MYO9B: variants seen among roughly 807,000 people sequenced by gnomAD.
MYO9B encodes unconventional myosin-IXb.
Under a neutral mutation model 229.5 loss-of-function variants are expected in MYO9B, and 71 were observed. The ratio of observed to expected loss-of-function variants is 0.31; its 90% CI spans 0.26 to 0.38. MYO9B has a LOEUF of 0.38. Ranked by LOEUF, MYO9B falls within the 10% of genes least tolerant of loss-of-function variation. MYO9B has a pLI of 1.00. For missense variants in MYO9B, 2,255 were observed against 2,920.5 expected (o/e 0.77, Z 5.25); for synonymous variants, 1,185 against 1,235.8 (o/e 0.96, Z 0.86).
rs2073202784 is a variant in MYO9B at position 17,209,625 on chromosome 19, C to A, written c.5664C>A (p.Tyr1888Ter). 1.2e-6 allele frequency: 2 copies of A among 1,606,658 alleles called. No individual in the cohort carries two copies. Among genetic ancestry groups the A allele is most frequent in the Non-Finnish European group, 1.7e-6 (2 of 1,176,626 alleles). ...EMLIKEQMRK[Y>*]KVKMEEISQL... ...TGATCAAGGAGCAGATGAGGAAATA[C>A]AAAGTGAAGATGGAGGAGATCAGCC... Residue 1888 changes from tyrosine (Y) to a stop codon, truncating the protein, a stop_gained, in exon 36 of 40, where the codon TAC becomes TAA. Coordinates refer to ENST00000682292, the MANE Select transcript of MYO9B (RefSeq NM_004145.4). LOFTEE classifies it high-confidence loss of function.
In MYO9B at chr19:17,091,255, T is replaced by C. The variant is rs1600026099; in HGVS notation, c.-58-10405T>C. On this transcript the variant is annotated intron_variant, in intron 1 of 39. Coordinates refer to ENST00000682292, the MANE Select transcript of MYO9B (RefSeq NM_004145.4). The stretch of plus-strand genomic sequence containing the variant: ...TTGTTTGTTTTTTTGATACATGGTC[T>C]TGCTCTGTGGCCCAGGCTGGAGTGC... 2.6e-5 allele frequency among the ~76,000 whole-genome samples: 4 copies of C among 152,242 alleles called. No individual in the cohort carries two copies. In the East Asian group the frequency reaches 7.7e-4, roughly 29 times the overall value.
chr19:17,183,472 C>T (rs2072883305), intron 15 of MYO9B, among the ~76,000 whole-genome samples: 1 of 152,218 alleles, frequency 6.6e-6, no homozygotes, highest in Non-Finnish European at 1.5e-5. Context: ...GTCAGTTCCT[C>T]CATAGCAAGC....
At chr19:17,156,615 G>A (rs1299883403) in intron 6 of MYO9B, among the ~76,000 whole-genome samples, 8 of 152,134 alleles carry the variant, frequency 5.3e-5, no homozygotes, top group Admixed American at 1.3e-4. Context: ...TACTCAGGAG[G>A]CTGAGGCTGT....
At chr19:17,202,789 T>C in intron 28 of MYO9B, 53 bp from the exon 29 acceptor site, 3 of 1,538,738 alleles carry the variant, frequency 1.9e-6, no homozygotes, top group Non-Finnish European at 2.6e-6. Flanking sequence ...AGGGGTGGGT[T>C]GGGGCTCTTC....
In MYO9B at chr19:17,193,433, G is replaced by A. The variant is rs2073007983; in HGVS notation, c.3128+371G>A. Among the ~76,000 whole-genome samples, 2 of 152,136 alleles carry A rather than the reference G, an allele frequency of 1.3e-5. No homozygotes were observed. Among genetic ancestry groups the A allele is most frequent in the Admixed American group, 1.3e-4 (2 of 15,262 alleles). Reference sequence around the variant, plus strand: ...ACCGGGCACAGAGAAGCCCCCAGGAGGATATCAGCAGCTCCCGTCCCAGCA... The same window carrying A: ...ACCGGGCACAGAGAAGCCCCCAGGAAGATATCAGCAGCTCCCGTCCCAGCA... On this transcript the variant is annotated intron_variant, in intron 21 of 39. Transcript: ENST00000682292. This position sits in a 1 kb window ranked among gnomAD's most constrained non-coding sequence, Gnocchi z 4.3.
intron 38 of MYO9B, 129 bp downstream of exon 38, chr19:17,210,977 C>CTTTTTTT (rs35355662): frequency 4.5e-5 from 15 of 334,436 alleles, no homozygotes; most frequent in African/African-American, 2.6e-4. Flanking sequence ...GCAAACAACA[C>CTTTTTTT]TTTTTTTTTT....
intron 1 of MYO9B, among the ~76,000 whole-genome samples, chr19:17,084,709 CAAA>C (rs903470342): frequency 3.7e-5 from 3 of 81,278 alleles, no homozygotes. Flanking sequence ...ACTAAAAATA[CAAA>C]AAAAAAAAAA....
chr19:17,180,872 T>C lies in MYO9B; in HGVS notation c.2220-55T>C, dbSNP rs548540117. 1.6e-5 allele frequency: 20 copies of C among 1,277,644 alleles called. No homozygotes were observed. The South Asian group carries it at 2.6e-4, about 17-fold the overall frequency. 79.1% of individuals were successfully genotyped at this position (1,277,644 alleles called of 1,614,324 possible). A position where few individuals can be genotyped will look rare whatever the true frequency, so the allele number is the denominator to read the frequency against. On this transcript the variant is annotated intron_variant, in intron 14 of 39. Coordinates refer to ENST00000682292, the MANE Select transcript of MYO9B (RefSeq NM_004145.4). ...GCTGGGAACCCCGAGGTGGCAGGCC[T>C]GCTTCTAACTCCATCTTCTTTCTGT...
At chr19:17,153,597 G>A (rs767715215) in intron 4 of MYO9B, among the ~76,000 whole-genome samples, 9 of 151,090 alleles carry the variant, frequency 6.0e-5, no homozygotes, top group Admixed American at 2.0e-4. Flanking sequence ...TCAGGAGGCC[G>A]AGCTGGGAGG....
intron 1 of MYO9B, among the ~76,000 whole-genome samples, chr19:17,091,063 G>A (rs549495112): frequency 2.2e-4 from 34 of 152,248 alleles, no homozygotes; most frequent in African/African-American, 5.5e-4. Flanking sequence ...TCAAAACAGC[G>A]TGGCACCTCA....
chr19:17,117,265 C>G (rs1462638590), intron 2 of MYO9B, among the ~76,000 whole-genome samples: 3 of 152,162 alleles, frequency 2.0e-5, no homozygotes, highest in African/African-American at 7.2e-5. Context: ...TAGTGATTAT[C>G]CAGGATAGAT....
intron 22 of MYO9B, 109 bp from the exon 23 acceptor site, chr19:17,197,682 TC>T: frequency 1.6e-6 from 2 of 1,234,016 alleles, no homozygotes; most frequent in East Asian, 4.8e-5. Context: ...TTGCCAAGTG[TC>T]CCCTGGCAGG....
In MYO9B at chr19:17,193,906, C is replaced by T. The variant is rs1317854641; in HGVS notation, c.3129-650C>T. ...AAGCAAAACAGGCTGGGCATAGTGGCTCACACCTGTAAGGCCAGCACTTTG... is the reference window on the plus strand; with the variant it reads ...AAGCAAAACAGGCTGGGCATAGTGGTTCACACCTGTAAGGCCAGCACTTTG... On this transcript the variant is annotated intron_variant, in intron 21 of 39. Transcript: ENST00000682292. This position sits in a 1 kb window ranked among gnomAD's most constrained non-coding sequence, Gnocchi z 4.3. Among the ~76,000 whole-genome samples the T allele has an allele frequency of 6.6e-6, 1 of 151,840 alleles. No individual in the cohort carries two copies. Among genetic ancestry groups the T allele is most frequent in the African/African-American group, 2.4e-5 (1 of 41,138 alleles).
In MYO9B at chr19:17,195,914, A is replaced by G. The variant is rs917103485; in HGVS notation, c.4046+441A>G. Among the ~76,000 whole-genome samples, 7 of 152,004 alleles carry G rather than the reference A, an allele frequency of 4.6e-5. No individual in the cohort carries two copies. In the East Asian group the frequency reaches 5.8e-4, roughly 13 times the overall value. On this transcript the variant is annotated intron_variant, in intron 22 of 39. Coordinates refer to ENST00000682292, the MANE Select transcript of MYO9B (RefSeq NM_004145.4). The surrounding 1 kb of genome is among the most constrained non-coding windows in gnomAD (Gnocchi z 4.5). ...CAGCTCCCTCTTCCAGAGGGCCTGC[A>G]GGACCAAAGGAAAGAAATCAGGGAG...
At chr19:17,178,371 A>G in intron 14 of MYO9B, 1 of 152,322 alleles carries the variant, frequency 6.6e-6, no homozygotes, top group Non-Finnish European at 1.5e-5. Context: ...GGGAGGCCAA[A>G]GCCGGAGGAT....
At chr19:17,086,312 G>GCCCCGCCTGCCCATT in intron 1 of MYO9B, among the ~76,000 whole-genome samples, 1 of 152,080 alleles carries the variant, frequency 6.6e-6, no homozygotes, top group East Asian at 1.9e-4. Context: ...ACCCACTCTG[G>GCCCCGCCTGCCCATT]CCCCGCCTGC....
At chr19:17,137,512 A>G (rs2072286045) in intron 2 of MYO9B, among the ~76,000 whole-genome samples, 1 of 152,084 alleles carries the variant, frequency 6.6e-6, no homozygotes, top group Non-Finnish European at 1.5e-5. Context: ...GTAGAGGACC[A>G]GGTCATCTCT....
intron 14 of MYO9B, among the ~76,000 whole-genome samples, chr19:17,178,922 T>G (rs1166916562): frequency 6.7e-6 from 1 of 149,072 alleles, no homozygotes; most frequent in African/African-American, 2.5e-5. Context: ...TCCTAGCTAC[T>G]GGGGAGGCTG....
intron 8 of MYO9B, among the ~76,000 whole-genome samples, chr19:17,160,390 G>C (rs561783490): frequency 6.6e-6 from 1 of 152,070 alleles, no homozygotes; most frequent in Non-Finnish European, 1.5e-5. Context: ...GCAAAACGAG[G>C]GGGACACATT....
Sources: gnomAD v4.1 joint callset for allele counts (sites outside exome capture counted in the v4.1 genomes callset) on GRCh38, gnomAD v4.1.1 for gene constraint, Gnocchi (gnomAD v3.1) non-coding constraint, MANE v1.5 for transcripts, NCBI Gene and HGNC (gene_info 2026-07-23, HGNC 2026-07-21) for gene names.